TOPBP1: variants seen among roughly 807,000 people sequenced by gnomAD.
TOPBP1 encodes DNA topoisomerase 2-binding protein 1.
In TOPBP1, 28 loss-of-function variants were observed where a neutral mutation model predicts 167.7. The ratio of observed to expected loss-of-function variants is 0.17; its 90% confidence interval spans 0.12 to 0.23. TOPBP1 has a LOEUF of 0.23. Among genes scored for constraint, TOPBP1 ranks in the 10% least tolerant of loss-of-function variants. TOPBP1 has a pLI of 1.00. For missense variants in TOPBP1, 1,554 were observed against 1,809.6 expected (o/e 0.86, Z 2.56); for synonymous variants, 598 against 611.4 (o/e 0.98, Z 0.32).
At chr3:133,651,171 CTTTTTTTTTT>C (rs1176625452) in intron 8 of TOPBP1, among the ~76,000 whole-genome samples, 1 of 82,090 alleles carries the variant, frequency 1.2e-5, no homozygotes, top group East Asian at 4.2e-4. Context: ...CCGAATTTCC[CTTTTTTTTTT>C]TTTTTTTTTT....
At chr3:133,661,193 G>A (rs1188966729) in intron 1 of TOPBP1, 59 bp from the exon 2 acceptor site, 1 of 1,295,262 alleles carries the variant, frequency 7.7e-7, no homozygotes, top group Non-Finnish European at 1.0e-6. Flanking sequence ...AAAGTTGCAT[G>A]TTTAACCTAC....
At chr3:133,660,977 C>A in intron 2 of TOPBP1, 67 bp downstream of exon 2, 1 of 1,207,246 alleles carries the variant, frequency 8.3e-7, no homozygotes. Flanking sequence ...ACATAAAGCC[C>A]AACAAATCAA....
At chr3:133,652,393 G>T in intron 8 of TOPBP1, 70 bp downstream of exon 8, 1 of 1,522,056 alleles carries the variant, frequency 6.6e-7, no homozygotes, top group Non-Finnish European at 9.0e-7. Context: ...ACTCTGAAGG[G>T]TCTTCAAAGT....
intron 20 of TOPBP1, among the ~76,000 whole-genome samples, chr3:133,618,662 GACT>G (rs1430037098): frequency 6.6e-6 from 1 of 151,764 alleles, no homozygotes; most frequent in Non-Finnish European, 1.5e-5. Context: ...CACATATTTT[GACT>G]ACATGTCTAC....
chr3:133,617,442 T>A, intron 21 of TOPBP1, 116 bp from the exon 22 acceptor site: 1 of 1,235,276 alleles, frequency 8.1e-7, no homozygotes, highest in Non-Finnish European at 1.1e-6. Context: ...CTCTGGAATG[T>A]AAAAAGTACA....
Position 133,601,017 on chromosome 3 carries a change from A to T in TOPBP1, c.*233T>A. ...CTTCAATGTGGTTTAACAGCAAGCT[A>T]GCTGAGGAGTTGTATTTTGTTGTTA... On this transcript the variant is annotated 3_prime_UTR_variant, in exon 28 of 28. Coordinates refer to ENST00000260810, the MANE Select transcript of TOPBP1 (RefSeq NM_007027.4). 6.3e-6 allele frequency: 2 copies of T among 315,828 alleles called. No homozygotes were observed. Among genetic ancestry groups the T allele is most frequent in the Non-Finnish European group, 1.2e-5 (2 of 171,816 alleles). 19.6% of individuals were successfully genotyped at this position (315,828 alleles called of 1,614,324 possible).
chr3:133,639,292 T>C (rs551196844), intron 13 of TOPBP1, among the ~76,000 whole-genome samples: 1 of 152,218 alleles, frequency 6.6e-6, no homozygotes, highest in African/African-American at 2.4e-5. Flanking sequence ...GAAAAAAGGA[T>C]GAATTCATGT....
At chr3:133,655,998 A>G (rs1353648277) in intron 5 of TOPBP1, among the ~76,000 whole-genome samples, 1 of 151,810 alleles carries the variant, frequency 6.6e-6, no homozygotes, top group Admixed American at 6.6e-5. Context: ...GATATGCTGG[A>G]TGGTGTTGAA....
rs1418776132 is a variant in TOPBP1, at chr3:133,600,277, G to C, written c.*973C>G. ...TTTGAGATGGAGTTTCGCTCTTGTT[G>C]CCCAGGCTGGAGTGCAATGGCGCGA... On this transcript the variant is annotated 3_prime_UTR_variant, in exon 28 of 28. Transcript: ENST00000260810. The C allele has an allele frequency of 8.0e-6, 1 of 124,254 alleles. No individual in the cohort carries two copies. The highest frequency in any genetic ancestry group is 1.6e-5 in the Non-Finnish European group (1 of 61,592). 7.7% of individuals were successfully genotyped at this position (124,254 alleles called of 1,614,324 possible).
chr3:133,608,798 T>A (rs1484765705), intron 26 of TOPBP1, 75 bp downstream of exon 26: 18 of 1,566,116 alleles, frequency 1.1e-5, no homozygotes, highest in Non-Finnish European at 1.6e-5. Flanking sequence ...GTAGAGAAAA[T>A]GAAGAACTCA....
intron 7 of TOPBP1, among the ~76,000 whole-genome samples, chr3:133,652,996 T>C (rs1446060244): frequency 6.6e-6 from 1 of 152,200 alleles, no homozygotes; most frequent in Non-Finnish European, 1.5e-5. Context: ...ATACAGATGA[T>C]CTATAACTGC....
chr3:133,655,004 A>T (rs937887224), intron 6 of TOPBP1, among the ~76,000 whole-genome samples: 1 of 152,096 alleles, frequency 6.6e-6, no homozygotes, highest in African/African-American at 2.4e-5. Context: ...GAGGTCAGTT[A>T]GAGACCAGTC....
chr3:133,661,396 C>T (rs1936709007), intron 1 of TOPBP1, among the ~76,000 whole-genome samples: 1 of 152,246 alleles, frequency 6.6e-6, no homozygotes. Flanking sequence ...GCTATGAAGG[C>T]TCTAAGCCCT....
intron 27 of TOPBP1, among the ~76,000 whole-genome samples, chr3:133,601,825 A>G (rs1934311379): frequency 6.6e-6 from 1 of 152,186 alleles, no homozygotes; most frequent in East Asian, 1.9e-4. Context: ...CCTCCTTATT[A>G]TAAGTGTAAT....
chr3:133,650,880 G>A (rs1035626963), intron 8 of TOPBP1, among the ~76,000 whole-genome samples: 49 of 152,210 alleles, frequency 3.2e-4, no homozygotes, highest in Middle Eastern at 3.4e-3. Flanking sequence ...AGGCCAAGGT[G>A]GGCAGACTGC....
chr3:133,607,825 C>T (rs1045240631), intron 27 of TOPBP1, among the ~76,000 whole-genome samples: 1 of 152,080 alleles, frequency 6.6e-6, no homozygotes, highest in African/African-American at 2.4e-5. Flanking sequence ...ATCAGTATGC[C>T]CTCTGCTCTA....
At chr3:133,660,764 A>C (rs961941645) in intron 2 of TOPBP1, among the ~76,000 whole-genome samples, 1 of 152,170 alleles carries the variant, frequency 6.6e-6, no homozygotes, top group Non-Finnish European at 1.5e-5. Flanking sequence ...GCAAAGGACC[A>C]CTCTGGCTAG....
In TOPBP1 at chr3:133,644,059, C is replaced by T. The variant is rs1021423335; in HGVS notation, c.1809G>A (p.Val603=). ...YAVVPLLGCE[V]EATVGEVVTN... is the part of the protein sequence containing the mutation. ...TAACAACTTCTCCCACAGTGGCTTC[C>T]ACTTCACACCCCAGCAGAGGAACCA... The change falls in exon 11 of 28, where the codon GTG becomes GTA. Residue 603 remains valine, a synonymous_variant. Coordinates refer to ENST00000260810, the MANE Select transcript of TOPBP1 (RefSeq NM_007027.4). 3.1e-6 allele frequency: 5 copies of T among 1,609,480 alleles called. No homozygotes were observed. The highest frequency in any genetic ancestry group is 4.2e-6 in the Non-Finnish European group (5 of 1,178,278).
chr3:133,637,504 T>C (rs1331663681), intron 14 of TOPBP1, among the ~76,000 whole-genome samples: 3 of 152,208 alleles, frequency 2.0e-5, no homozygotes, highest in East Asian at 3.8e-4. Flanking sequence ...TGTTTACATT[T>C]TATAGTTTAT....
Sources: allele counts gnomAD v4.1 joint callset (sites outside exome capture counted in the v4.1 genomes callset), GRCh38; gene constraint gnomAD v4.1.1; transcripts MANE v1.5; gene names NCBI Gene and HGNC (gene_info 2026-07-23, HGNC 2026-07-21).